The following ZNF385A variants were observed in gnomAD, a reference collection of about 807,000 sequenced individuals.
ZNF385A encodes hematopoietic zinc finger protein.
Under a neutral mutation model 32.1 loss-of-function variants are expected in ZNF385A, and 14 were observed. The ratio of observed to expected loss-of-function variants is 0.44; its 90% confidence interval spans 0.29 to 0.68. ZNF385A has a LOEUF of 0.68. ZNF385A is among the 30% of genes least tolerant of loss of function. The probability of loss-of-function intolerance (pLI) is 0.14; values close to 1 mark genes in which losing one functional copy is unlikely to be tolerated. For synonymous variants in ZNF385A, 197 were observed against 202.7 expected (o/e 0.97, Z 0.24); for missense variants, 406 against 478.4 (o/e 0.85, Z 1.41).
intron 2 of ZNF385A, among the ~76,000 whole-genome samples, chr12:54,374,562 C>T (rs571440903): frequency 6.6e-6 from 1 of 152,312 alleles, no homozygotes; most frequent in South Asian, 2.1e-4. Context: ...GCTGCTTTCA[C>T]CCTGAGGCTG....
chr12:54,371,424 G>A (rs1365478057), intron 4 of ZNF385A, 49 bp downstream of exon 4: 1 of 1,581,498 alleles, frequency 6.3e-7, no homozygotes, highest in South Asian at 1.1e-5. Context: ...GTAGAGGCAG[G>A]GGTGGCCTGA....
upstream of ZNF385A, chr12:54,385,572 C>T (rs1046656815): frequency 7.5e-6 from 7 of 931,840 alleles, no homozygotes; most frequent in Middle Eastern, 5.5e-4. Flanking sequence ...AAAGGCAAAC[C>T]GAGGAGGCTG....
At chr12:54,382,599 G>A (rs1456286712) in intron 1 of ZNF385A, among the ~76,000 whole-genome samples, 2 of 152,188 alleles carry the variant, frequency 1.3e-5, no homozygotes, top group Non-Finnish European at 2.9e-5. Context: ...TTGTTGGGTT[G>A]TTGTGAAGGT....
Position 54,374,080 on chromosome 12 carries a change from A to T in ZNF385A, c.254T>A (p.Ile85Asn). The part of the protein sequence containing the change: ...GNRHARRVKG[I>N]EAAKTRGREP... ...CCTGCCTCTGGTCTTGGCAGCCTCAATGCCTTTGACTCGTCGGGCGTGGCG... is the reference window on the plus strand; with the variant it reads ...CCTGCCTCTGGTCTTGGCAGCCTCATTGCCTTTGACTCGTCGGGCGTGGCG... The change falls in exon 3 of 7, where the codon ATT becomes AAT. Residue 85 changes from isoleucine (I) to asparagine (N), a missense_variant. By Grantham distance (149) the Ile-to-Asn change is moderately radical (BLOSUM62 -3). Transcript: ENST00000394313. 1 of 1,600,098 alleles carries T rather than the reference A, an allele frequency of 6.2e-7. No homozygotes were observed. The highest frequency in any genetic ancestry group is 8.5e-7 in the Non-Finnish European group (1 of 1,170,690).
chr12:54,389,925 G>T (rs752731751), intron 1 of ZNF385A, among the ~76,000 whole-genome samples: 1 of 152,108 alleles, frequency 6.6e-6, no homozygotes, highest in African/African-American at 2.4e-5. Flanking sequence ...GGTGGAGGGG[G>T]TGAGACATAC....
rs1188056832 is a variant in ZNF385A, at chr12:54,375,934, A to G, written c.108T>C (p.Ala36=). The change falls in exon 2 of 7, where the codon GCT becomes GCC. Residue 36 remains alanine (A), a synonymous_variant. Coordinates refer to ENST00000394313, the MANE Select transcript of ZNF385A (RefSeq NM_015481.3). ...GTCCCCCAAAAGTGTGGGAGAGCACAGCCTTCTGCACAGGGTCCATCTGTG... is the reference window on the plus strand; with the variant it reads ...GTCCCCCAAAAGTGTGGGAGAGCACGGCCTTCTGCACAGGGTCCATCTGTG... ...NYSTMDPVQK[A]VLSHTFGGPL... 1 of 1,614,180 alleles carries G rather than the reference A, an allele frequency of 6.2e-7. No homozygotes were observed.
intron 1 of ZNF385A, among the ~76,000 whole-genome samples, chr12:54,390,222 G>C (rs1955598829): frequency 6.6e-6 from 1 of 152,082 alleles, no homozygotes; most frequent in African/African-American, 2.4e-5. Flanking sequence ...AGCCTAGCCA[G>C]GGTGGAGGGC....
At chr12:54,385,749 C>A, upstream of ZNF385A, 1 of 850,976 alleles carries the variant, frequency 1.2e-6, no homozygotes, top group Non-Finnish European at 1.4e-6. Context: ...TGACAGCGTC[C>A]CCTTCCCTTG....
In ZNF385A at chr12:54,370,398, G is replaced by A; in HGVS notation, c.959C>T (p.Ala320Val). 1.3e-6 allele frequency: 2 copies of A among 1,533,632 alleles called. No homozygotes were observed. The highest frequency in any genetic ancestry group is 2.1e-5 in the Admixed American group (1 of 48,110). Residue 320 changes from alanine to valine, a missense_variant, in exon 7 of 7, where the codon GCG (alanine) becomes GTG (valine). Transcript: ENST00000394313. The surrounding 1 kb of genome is among the most constrained non-coding windows in gnomAD (Gnocchi z 5.5). Reference sequence around the variant, plus strand: ...CAGGGACAGCGGCGAGCCTGCTGCCGCTGCCATCACTGCAGCCACCGCCAG... The same window carrying A: ...CAGGGACAGCGGCGAGCCTGCTGCCACTGCCATCACTGCAGCCACCGCCAG... ...SPLAVAAVMA[A>V]AAGSPLSLRP...
At chr12:54,373,855 G>A (rs1339636674) in intron 3 of ZNF385A, 118 bp downstream of exon 3, 6 of 1,130,092 alleles carry the variant, frequency 5.3e-6, no homozygotes, top group Non-Finnish European at 7.1e-6. Context: ...CCTTGGGTGG[G>A]GGTGGGGGTA....
chr12:54,388,797 G>A (rs1955561431), upstream of ZNF385A, among the ~76,000 whole-genome samples: 1 of 152,148 alleles, frequency 6.6e-6, no homozygotes, highest in Non-Finnish European at 1.5e-5. Flanking sequence ...TGAGGGCGGG[G>A]GTGGGAGGAA....
chr12:54,382,021 C>G (rs1302345942), intron 1 of ZNF385A, among the ~76,000 whole-genome samples: 1 of 152,008 alleles, frequency 6.6e-6, no homozygotes, highest in Admixed American at 6.5e-5. Context: ...AGGCACAGTA[C>G]CCAGCACATA....
chr12:54,370,252 G>A lies in ZNF385A; in HGVS notation c.*4C>T, dbSNP rs1375791356. On this transcript the variant is annotated 3_prime_UTR_variant, in exon 7 of 7. Coordinates refer to ENST00000394313, the MANE Select transcript of ZNF385A (RefSeq NM_015481.3). This position sits in a 1 kb window ranked among gnomAD's most constrained non-coding sequence, Gnocchi z 5.5. ...AGTTGAATGGGAGGGGTTCAGGGTT[G>A]AGGTCAGTACGGGGAGAAGAGGATG... 2 of 1,450,942 alleles carry A rather than the reference G, an allele frequency of 1.4e-6. No homozygotes were observed. Among genetic ancestry groups the A allele is most frequent in the East Asian group, 2.5e-5 (1 of 39,898 alleles). 89.9% of individuals were successfully genotyped at this position (1,450,942 alleles called of 1,614,324 possible). A position where few individuals can be genotyped will look rare whatever the true frequency, so the allele number is the denominator to read the frequency against.
chr12:54,370,725 CG>C lies in ZNF385A; in HGVS notation c.775-5del. ...GGTGCCGCCGGCTGGAGATGTGCTGCGGGGGCCAGTGGATAGGGGGCTGTGA... is the reference window on the plus strand; with the variant it reads ...GGTGCCGCCGGCTGGAGATGTGCTGCGGGGCCAGTGGATAGGGGGCTGTGA... On this transcript the variant is annotated splice_region_variant and splice_polypyrimidine_tract_variant and intron_variant, in intron 5 of 6. Transcript: ENST00000394313. The surrounding 1 kb of genome is among the most constrained non-coding windows in gnomAD (Gnocchi z 5.5). 1 of 1,585,668 alleles carries C rather than the reference CG, an allele frequency of 6.3e-7. No individual in the cohort carries two copies.
At chr12:54,385,153 C>T (rs1955407297), upstream of ZNF385A, 1 of 153,058 alleles carries the variant, frequency 6.5e-6, no homozygotes, top group South Asian at 2.1e-4. Context: ...GGCTTTTGCT[C>T]TGGGAGGTGA....
At chr12:54,378,885 G>A (rs901214206) in intron 1 of ZNF385A, among the ~76,000 whole-genome samples, 2 of 152,256 alleles carry the variant, frequency 1.3e-5, no homozygotes, top group East Asian at 1.9e-4. Flanking sequence ...CAGTAGTCTG[G>A]GGGCATGAGC....
At chr12:54,384,797 C>T (rs1592269383), upstream of ZNF385A, 3 of 1,233,654 alleles carry the variant, frequency 2.4e-6, no homozygotes, top group South Asian at 3.7e-5. Flanking sequence ...TCACTTCCCC[C>T]TTTTCCAGCC....
intron 2 of ZNF385A, 138 bp from the exon 3 acceptor site, chr12:54,374,273 C>A: frequency 1.3e-6 from 1 of 770,814 alleles, no homozygotes; most frequent in Non-Finnish European, 1.8e-6. Flanking sequence ...ATGTAAAGCC[C>A]CATACCAATA....
chr12:54,388,847 A>G (rs1447288844), upstream of ZNF385A, among the ~76,000 whole-genome samples: 1 of 152,096 alleles, frequency 6.6e-6, no homozygotes, highest in Non-Finnish European at 1.5e-5. Context: ...AGTTCCATGT[A>G]TATGTCCCCT....
Sources: gnomAD v4.1 joint callset for allele counts (sites outside exome capture counted in the v4.1 genomes callset) on GRCh38, gnomAD v4.1.1 for gene constraint, Gnocchi (gnomAD v3.1) non-coding constraint, MANE v1.5 for transcripts, NCBI Gene and HGNC (gene_info 2026-07-23, HGNC 2026-07-21) for gene names.